The following EPB41 variants were observed in gnomAD, a reference collection of about 807,000 sequenced individuals.
EPB41 encodes erythrocyte membrane protein band 4.1.
In EPB41, 65 loss-of-function variants were observed where a neutral mutation model predicts 108.0. The ratio of observed to expected loss-of-function variants is 0.60; its 90% CI spans 0.49 to 0.74. The LOEUF is 0.74. Among genes scored for constraint, EPB41 ranks in the 30% least tolerant of loss-of-function variants. The pLI is 0.00. For synonymous variants in EPB41, 336 were observed against 358.9 expected (o/e 0.94, Z 0.72); for missense variants, 875 against 1,037.0 (o/e 0.84, Z 2.15).
At position 29,058,699 on chromosome 1, in the gene EPB41, T is replaced by G. The variant is rs890302456; in HGVS notation, c.1902+54T>G. On this transcript the variant is annotated intron_variant, in intron 13 of 20. Transcript: ENST00000343067. Reference sequence around the variant, plus strand: ...TTTCCCTCCACCCCCTCAGTTTTTTTCTTCTCCCTTACTCCCTTTTCCTTA... The same window carrying G: ...TTTCCCTCCACCCCCTCAGTTTTTTGCTTCTCCCTTACTCCCTTTTCCTTA... 3 of 1,581,308 alleles carry G rather than the reference T, an allele frequency of 1.9e-6. No homozygotes were observed. The African/African-American group carries it at 4.1e-5, about 21-fold the overall frequency.
chr1:28,990,337 C>CCTTCCTTCCTTCAT (rs569880468), intron 2 of EPB41, among the ~76,000 whole-genome samples: 1 of 38,330 alleles, frequency 2.6e-5, no homozygotes, highest in East Asian at 6.0e-4. Context: ...CCTTCCTTCC[C>CCTTCCTTCCTTCAT]TCCCTCCCTC....
chr1:28,920,399 A>C (rs1302636335), intron 1 of EPB41, among the ~76,000 whole-genome samples: 1 of 152,174 alleles, frequency 6.6e-6, no homozygotes, highest in Non-Finnish European at 1.5e-5. Flanking sequence ...CACAAAAGTC[A>C]CCCTAATGCA....
intron 19 of EPB41, among the ~76,000 whole-genome samples, chr1:29,113,715 A>G (rs1045446790): frequency 4.6e-5 from 7 of 152,194 alleles, no homozygotes; most frequent in African/African-American, 1.7e-4. Context: ...TACCATCTGT[A>G]AAATAAGGAT....
At chr1:29,067,071 C>T (rs1173566889) in intron 16 of EPB41, among the ~76,000 whole-genome samples, 1 of 151,268 alleles carries the variant, frequency 6.6e-6, no homozygotes, top group Non-Finnish European at 1.5e-5. Context: ...AGTTGGTTCA[C>T]AGGCCGGGCT....
intron 17 of EPB41, among the ~76,000 whole-genome samples, chr1:29,098,339 T>C (rs1265589055): frequency 6.6e-6 from 1 of 151,968 alleles, no homozygotes; most frequent in Non-Finnish European, 1.5e-5. Context: ...GGACTACAGG[T>C]GCCCGCCACC....
intron 14 of EPB41, 148 bp from the exon 15 acceptor site, chr1:29,060,274 A>T (rs1646281605): frequency 1.6e-6 from 1 of 628,728 alleles, no homozygotes; most frequent in African/African-American, 1.8e-5. Flanking sequence ...TGTCCGTGTG[A>T]CTCTCTGACC....
intron 2 of EPB41, among the ~76,000 whole-genome samples, chr1:28,991,466 G>A (rs1364081577): frequency 6.6e-6 from 1 of 151,778 alleles, no homozygotes; most frequent in Non-Finnish European, 1.5e-5. Flanking sequence ...CACTCTGGGA[G>A]ACTGAGGCAG....
chr1:29,067,020 C>G (rs1369975174), intron 16 of EPB41, among the ~76,000 whole-genome samples: 1 of 151,194 alleles, frequency 6.6e-6, no homozygotes, highest in African/African-American at 2.4e-5. Context: ...GTAAACTATC[C>G]AAATTATTAT....
At chr1:29,085,371 C>CT (rs1318877662) in intron 16 of EPB41, among the ~76,000 whole-genome samples, 1 of 151,952 alleles carries the variant, frequency 6.6e-6, no homozygotes, top group Non-Finnish European at 1.5e-5. Flanking sequence ...TTTCGAACTC[C>CT]TGATCTCAAA....
chr1:29,058,768 C>T (rs994451685), intron 13 of EPB41, 43 bp from the exon 14 acceptor site: 14 of 1,532,800 alleles, frequency 9.1e-6, no homozygotes, highest in African/African-American at 1.4e-5. Flanking sequence ...CAATGAGCAA[C>T]ATTTTATCAT....
intron 4 of EPB41, among the ~76,000 whole-genome samples, chr1:29,010,973 C>T (rs1357706618): frequency 6.6e-6 from 1 of 151,944 alleles, no homozygotes; most frequent in Non-Finnish European, 1.5e-5. Flanking sequence ...ATTAGCTGGG[C>T]ATGGCATGGT....
intron 5 of EPB41, among the ~76,000 whole-genome samples, chr1:29,012,268 A>G (rs1027583404): frequency 1.3e-5 from 2 of 152,242 alleles, no homozygotes; most frequent in East Asian, 3.8e-4. Context: ...GCAGTTGCCT[A>G]CTAGGAGTTT....
In EPB41 at chr1:29,065,155, A is replaced by G. The variant is rs781143882; in HGVS notation, c.2181A>G (p.Glu727=). The G allele has an allele frequency of 1.9e-6, 3 of 1,596,978 alleles. No homozygotes were observed. Among genetic ancestry groups the G allele is most frequent in the East Asian group, 4.5e-5 (2 of 44,656 alleles). ...LNINGQIPTG[E]GPPLVKTQTV... ...TCAATGGGCAAATCCCCACAGGAGAAGGAGTGAGTACTTTGTCCACATGAC... is the reference window on the plus strand; with the variant it reads ...TCAATGGGCAAATCCCCACAGGAGAGGGAGTGAGTACTTTGTCCACATGAC... Residue 727 remains glutamate (E), a synonymous_variant, in exon 16 of 21, where the codon GAA becomes GAG. Transcript: ENST00000343067.
Position 29,035,932 on chromosome 1 carries a change from C to T in EPB41, c.1463+9C>T, listed in dbSNP as rs1170792286. On this transcript the variant is annotated intron_variant, in intron 10 of 20. Transcript: ENST00000343067. ...CATCACACGTTTTTCAGGTATTATT[C>T]TCACTTAAGTATTTTTCAAGGATAA... 1 of 1,575,060 alleles carries T rather than the reference C, an allele frequency of 6.3e-7. No individual in the cohort carries two copies. Among genetic ancestry groups the T allele is most frequent in the East Asian group, 2.2e-5 (1 of 44,696 alleles).
chr1:28,946,023 A>G (rs1433167162), intron 1 of EPB41, among the ~76,000 whole-genome samples: 1 of 152,204 alleles, frequency 6.6e-6, no homozygotes, highest in East Asian at 1.9e-4. Context: ...AAGTGAGTTT[A>G]TGCCTTTCAG....
chr1:29,057,028 T>TA (rs765731273), intron 12 of EPB41, among the ~76,000 whole-genome samples: 15 of 151,320 alleles, frequency 9.9e-5, no homozygotes, highest in East Asian at 5.8e-4. Flanking sequence ...CTCTGAGGGG[T>TA]AAAAAAAACT....
intron 16 of EPB41, among the ~76,000 whole-genome samples, chr1:29,088,751 T>C (rs1660157107): frequency 6.6e-6 from 1 of 152,170 alleles, no homozygotes; most frequent in South Asian, 2.1e-4. Flanking sequence ...AAGAGGAGTT[T>C]GGGCGCTGTT....
chr1:29,081,709 CCGGTAATCCCAGCTACT>C (rs1656709861), intron 16 of EPB41, among the ~76,000 whole-genome samples: 2 of 151,942 alleles, frequency 1.3e-5, no homozygotes, highest in African/African-American at 4.8e-5. Flanking sequence ...GTGGCACATG[CCGGTAATCCCAGCTACT>C]CGGGAGGCTC....
chr1:28,967,025 T>TC (rs1263682855), intron 1 of EPB41, among the ~76,000 whole-genome samples: 2 of 142,662 alleles, frequency 1.4e-5, no homozygotes, highest in African/African-American at 5.3e-5. Flanking sequence ...TTTTTTTTTT[T>TC]TTTTTTTTTT....
Sources: gnomAD v4.1 joint callset for allele counts (sites outside exome capture counted in the v4.1 genomes callset) on GRCh38, gnomAD v4.1.1 for gene constraint, MANE v1.5 for transcripts, NCBI Gene and HGNC (gene_info 2026-07-23, HGNC 2026-07-21) for gene names.